NAALADL2: variants seen among roughly 807,000 people sequenced by gnomAD.
NAALADL2 encodes N-acetylated alpha-linked acidic dipeptidase like 2.
A neutral mutation model predicts 87.2 loss-of-function variants in NAALADL2; 76 were observed. That is an observed-to-expected ratio of 0.87 (90% CI 0.72 to 1.05). The LOEUF is 1.05. NAALADL2 is among the 50% of genes least tolerant of loss of function. The pLI is 0.00. For missense variants in NAALADL2, 1,089 were observed against 945.8 expected (o/e 1.15, Z -1.99); for synonymous variants, 354 against 331.0 (o/e 1.07, Z -0.75).
At chr3:175,075,823 T>G (rs760518380) in intron 1 of NAALADL2, among the ~76,000 whole-genome samples, 3 of 152,088 alleles carry the variant, frequency 2.0e-5, no homozygotes, top group African/African-American at 7.2e-5. Context: ...AAAAACTAAC[T>G]ACGAACGCAC....
intron 3 of NAALADL2, among the ~76,000 whole-genome samples, chr3:174,809,608 C>T (rs937490502): frequency 2.0e-5 from 3 of 150,754 alleles, no homozygotes; most frequent in Non-Finnish European, 2.9e-5. Context: ...AGAAAGTGGC[C>T]TCATATATAA....
chr3:175,721,930 T>C lies in NAALADL2; in HGVS notation c.1897-15376T>C, dbSNP rs552856393. 2.6e-5 allele frequency among the ~76,000 whole-genome samples: 4 copies of C among 152,202 alleles called. No individual in the cohort carries two copies. In the South Asian group the frequency reaches 8.3e-4, roughly 32 times the overall value. On this transcript the variant is annotated intron_variant, in intron 11 of 13. Transcript: ENST00000454872. ...GTCATAAAATGCAATGGGCAGATTT[T>C]ATAGCTCACTACCATTTGCATATTT...
chr3:175,541,594 AATTGT>A (rs2149469964), intron 9 of NAALADL2, among the ~76,000 whole-genome samples: 1 of 152,312 alleles, frequency 6.6e-6, no homozygotes, highest in Admixed American at 6.5e-5. Flanking sequence ...AAAGTTGAAA[AATTGT>A]AAGTTGAACT....
At chr3:174,909,265 G>A (rs972187333) in intron 1 of NAALADL2, among the ~76,000 whole-genome samples, 6 of 151,920 alleles carry the variant, frequency 3.9e-5, no homozygotes, top group African/African-American at 1.5e-4. Flanking sequence ...ATGGTGACGG[G>A]TGCCTGTAAT....
At chr3:175,456,836 G>C (rs561749338) in intron 6 of NAALADL2, among the ~76,000 whole-genome samples, 1 of 152,056 alleles carries the variant, frequency 6.6e-6, no homozygotes, top group African/African-American at 2.4e-5. Flanking sequence ...CACATGTATT[G>C]CATCAAGTTG....
At chr3:175,389,171 A>G in intron 5 of NAALADL2, among the ~76,000 whole-genome samples, 1 of 152,218 alleles carries the variant, frequency 6.6e-6, no homozygotes, top group Admixed American at 6.5e-5. Context: ...GTTATAAATT[A>G]CTAAAATTAA....
intron 4 of NAALADL2, among the ~76,000 whole-genome samples, chr3:175,302,460 T>C (rs1257277968): frequency 2.0e-5 from 3 of 152,194 alleles, no homozygotes; most frequent in African/African-American, 7.2e-5. Context: ...AAACTTTTCA[T>C]ACCATTTGAA....
At chr3:175,532,985 C>G (rs1414609235) in intron 9 of NAALADL2, among the ~76,000 whole-genome samples, 1 of 152,202 alleles carries the variant, frequency 6.6e-6, no homozygotes, top group Non-Finnish European at 1.5e-5. Context: ...GCCTTTGGAT[C>G]CTTTCCTCTT....
chr3:175,550,025 T>C (rs969074161), intron 9 of NAALADL2, among the ~76,000 whole-genome samples: 4 of 152,096 alleles, frequency 2.6e-5, no homozygotes, highest in Non-Finnish European at 4.4e-5. Context: ...CCTGTGGTTA[T>C]GTGACAAGAC....
intron 6 of NAALADL2, among the ~76,000 whole-genome samples, chr3:175,458,742 T>C (rs1455819450): frequency 6.6e-6 from 1 of 152,024 alleles, no homozygotes; most frequent in Non-Finnish European, 1.5e-5. Flanking sequence ...ATGTAATCCA[T>C]TGATGCCATT....
At chr3:175,670,407 CATTAA>C (rs1211737474) in intron 11 of NAALADL2, among the ~76,000 whole-genome samples, 1 of 33,810 alleles carries the variant, frequency 3.0e-5, no homozygotes, top group Non-Finnish European at 1.2e-4. Context: ...ATTAAATTTA[CATTAA>C]ATGTAAATTT....
At chr3:175,718,250 G>C in intron 11 of NAALADL2, 1 of 1,134,022 alleles carries the variant, frequency 8.8e-7, no homozygotes, top group Non-Finnish European at 1.3e-6. Context: ...ACTGTCCTTC[G>C]GGCGACTGAG....
At chr3:175,051,853 G>C (rs912272028) in intron 1 of NAALADL2, among the ~76,000 whole-genome samples, 1 of 152,140 alleles carries the variant, frequency 6.6e-6, no homozygotes, top group Non-Finnish European at 1.5e-5. Context: ...GCTTAATTAA[G>C]AACCAACTGA....
chr3:175,719,175 T>C (rs1285463499), intron 11 of NAALADL2, among the ~76,000 whole-genome samples: 1 of 151,702 alleles, frequency 6.6e-6, no homozygotes, highest in Non-Finnish European at 1.5e-5. Context: ...ACATCGGCAA[T>C]GTCTGGAGAC....
At chr3:175,132,447 A>C (rs1580620883) in intron 2 of NAALADL2, among the ~76,000 whole-genome samples, 1 of 40 alleles carries the variant, frequency 0.025, no homozygotes, top group Non-Finnish European at 0.042. Flanking sequence ...TGACCCCCCC[A>C]CCTCCTCCGG....
At chr3:174,865,008 G>A (rs1726971044) in intron 1 of NAALADL2, among the ~76,000 whole-genome samples, 1 of 152,024 alleles carries the variant, frequency 6.6e-6, no homozygotes, top group African/African-American at 2.4e-5. Context: ...AAAAGTATGT[G>A]TCAATAGTTT....
intron 1 of NAALADL2, among the ~76,000 whole-genome samples, chr3:175,087,763 A>C (rs1055629570): frequency 1.3e-5 from 2 of 152,038 alleles, no homozygotes; most frequent in African/African-American, 4.8e-5. Context: ...CAGGGACACA[A>C]ACACTGCAAA....
chr3:174,824,975 T>C (rs1721822306), intron 3 of NAALADL2, among the ~76,000 whole-genome samples: 1 of 152,224 alleles, frequency 6.6e-6, no homozygotes, highest in South Asian at 2.1e-4. Context: ...GCAATTCTCA[T>C]TGATTAATTC....
intron 2 of NAALADL2, among the ~76,000 whole-genome samples, chr3:174,642,287 G>A (rs1203670305): frequency 6.6e-6 from 1 of 151,862 alleles, no homozygotes; most frequent in African/African-American, 2.4e-5. Flanking sequence ...GATCACTTGA[G>A]GTCAGGAATT....
Sources: gnomAD v4.1 joint callset for allele counts (sites outside exome capture counted in the v4.1 genomes callset) on GRCh38, gnomAD v4.1.1 for gene constraint, MANE v1.5 for transcripts, NCBI Gene and HGNC (gene_info 2026-07-23, HGNC 2026-07-21) for gene names.